Variants in DTWD2 observed in about 807,000 individuals in gnomAD.
The protein encoded by DTWD2 is DTW motif tRNA-uridine aminocarboxypropyltransferase 2, also known as tRNA-uridine aminocarboxypropyltransferase 2.
A neutral mutation model predicts 31.8 loss-of-function variants in DTWD2; 39 were observed. The ratio of observed to expected loss-of-function variants is 1.22; its 90% CI spans 0.95 to 1.60. The LOEUF (loss-of-function observed/expected upper bound fraction) is 1.60. DTWD2 is among the 40% of genes most tolerant of loss of function. DTWD2 has a pLI of 0.00. For missense variants in DTWD2, 515 were observed against 381.5 expected, an observed-to-expected ratio of 1.35 and a Z score of -2.92; for synonymous variants, 180 against 142.8, an observed-to-expected ratio of 1.26 and a Z score of -1.86.
chr5:118,875,181 C>T (rs1412058491), intron 4 of DTWD2, among the ~76,000 whole-genome samples: 1 of 152,040 alleles, frequency 6.6e-6, no homozygotes, highest in Non-Finnish European at 1.5e-5. Flanking sequence ...TTGCCAACTG[C>T]CTTATGAGAG....
intron 4 of DTWD2, among the ~76,000 whole-genome samples, chr5:118,875,865 C>A (rs573942904): frequency 4.0e-5 from 6 of 151,560 alleles, no homozygotes; most frequent in Non-Finnish European, 7.4e-5. Context: ...ACGGACCCAA[C>A]GGGTATCCAC....
intron 4 of DTWD2, among the ~76,000 whole-genome samples, chr5:118,854,715 G>A (rs73236937): frequency 0.069 from 10,473 of 152,010 alleles, 1,170 homozygotes; most frequent in African/African-American, 0.23. Context: ...CTTCAAGGTA[G>A]TCAACTCAAG....
rs188993934 is a variant in DTWD2 at position 118,967,828 on chromosome 5, G to C, written c.218+20466C>G. On this transcript the variant is annotated intron_variant, in intron 1 of 5. Transcript: ENST00000510708. ...CCATAGCCATAATTGTTGCAGACAAGATGGATACTAAAATCAGTGGGCAAA... is the reference window on the plus strand; with the variant it reads ...CCATAGCCATAATTGTTGCAGACAACATGGATACTAAAATCAGTGGGCAAA... 3.5e-3 allele frequency among the ~76,000 whole-genome samples: 536 copies of C among 152,240 alleles called. 7 individuals carry two copies. Among genetic ancestry groups the C allele is most frequent in the African/African-American group, 0.012 (517 of 41,526 alleles).
intron 4 of DTWD2, among the ~76,000 whole-genome samples, chr5:118,916,990 T>C (rs1353385941): frequency 1.3e-5 from 2 of 152,198 alleles, no homozygotes; most frequent in Non-Finnish European, 2.9e-5. Context: ...TGAAAATCTA[T>C]GGAAATTGAG....
intron 1 of DTWD2, among the ~76,000 whole-genome samples, chr5:118,971,492 T>C (rs894013257): frequency 3.3e-5 from 5 of 151,530 alleles, no homozygotes; most frequent in Non-Finnish European, 7.4e-5. Context: ...AGCAAGTTCT[T>C]AGAGATCTAC....
chr5:118,896,441 G>A (rs897336064), intron 4 of DTWD2, among the ~76,000 whole-genome samples: 7 of 146,918 alleles, frequency 4.8e-5, no homozygotes, highest in Non-Finnish European at 1.0e-4. Flanking sequence ...AAAACAACTA[G>A]AACATATACT....
chr5:118,968,720 G>T (rs1406892412), intron 1 of DTWD2, among the ~76,000 whole-genome samples: 2 of 152,204 alleles, frequency 1.3e-5, no homozygotes, highest in Non-Finnish European at 2.9e-5. Flanking sequence ...TATGCACAGA[G>T]ACCCAGGAAT....
intron 4 of DTWD2, among the ~76,000 whole-genome samples, chr5:118,880,906 T>C (rs1471909140): frequency 6.6e-6 from 1 of 152,158 alleles, no homozygotes; most frequent in Non-Finnish European, 1.5e-5. Context: ...ATACAGCTTT[T>C]TGGAACTCGC....
chr5:118,914,232 C>T (rs1312915005), intron 4 of DTWD2, among the ~76,000 whole-genome samples: 1 of 152,136 alleles, frequency 6.6e-6, no homozygotes, highest in Admixed American at 6.5e-5. Context: ...GAAGCTCCAC[C>T]TCATGAATAG....
In DTWD2 at chr5:118,969,136, C is replaced by T. The variant is rs1160641726; in HGVS notation, c.218+19158G>A. On this transcript the variant is annotated intron_variant, in intron 1 of 5. Coordinates refer to ENST00000510708, the MANE Select transcript of DTWD2 (RefSeq NM_173666.4). The stretch of plus-strand genomic sequence containing the variant: ...CTGCAGGAATTTCAGCTACACTAGC[C>T]TGAGTTATATGAACAGATCTCTGAT... Among the ~76,000 whole-genome samples the T allele has an allele frequency of 2.6e-5, 4 of 151,930 alleles. No individual in the cohort carries two copies. The South Asian group carries it at 8.3e-4, about 32-fold the overall frequency.
At chr5:118,887,159 T>C (rs1351551801) in intron 4 of DTWD2, among the ~76,000 whole-genome samples, 1 of 152,206 alleles carries the variant, frequency 6.6e-6, no homozygotes, top group African/African-American at 2.4e-5. Context: ...CAGTTTCAAA[T>C]CCTGGATCTG....
intron 4 of DTWD2, among the ~76,000 whole-genome samples, chr5:118,865,721 CAA>C (rs987760415): frequency 1.2e-4 from 18 of 152,224 alleles, no homozygotes; most frequent in African/African-American, 4.1e-4. Context: ...CTGATGAGAG[CAA>C]AAGTGTCCTC....
intron 1 of DTWD2, among the ~76,000 whole-genome samples, chr5:118,967,373 G>A (rs1032315224): frequency 6.6e-6 from 1 of 152,180 alleles, no homozygotes; most frequent in African/African-American, 2.4e-5. Context: ...AAACATCTCA[G>A]TAGCAATAAG....
At chr5:118,979,992 G>A (rs1755263922) in intron 1 of DTWD2, among the ~76,000 whole-genome samples, 1 of 152,158 alleles carries the variant, frequency 6.6e-6, no homozygotes, top group South Asian at 2.1e-4. Context: ...CATGTACCCT[G>A]GAACTTAAAA....
At chr5:118,873,790 A>G (rs990036513) in intron 4 of DTWD2, among the ~76,000 whole-genome samples, 1 of 152,202 alleles carries the variant, frequency 6.6e-6, no homozygotes, top group Non-Finnish European at 1.5e-5. Context: ...GAAGGCACCT[A>G]GACCTGTACC....
intron 3 of DTWD2, among the ~76,000 whole-genome samples, chr5:118,934,436 T>C (rs1561461422): frequency 6.6e-6 from 1 of 150,722 alleles, no homozygotes; most frequent in Non-Finnish European, 1.5e-5. Flanking sequence ...ACACAAAAAA[T>C]AGAAGGAGAT....
chr5:118,935,507 T>G (rs1754021692), intron 3 of DTWD2, among the ~76,000 whole-genome samples: 1 of 151,158 alleles, frequency 6.6e-6, no homozygotes, highest in Admixed American at 6.6e-5. Flanking sequence ...CAAAATTGAC[T>G]GCTTGCTTGC....
At chr5:118,970,363 A>T (rs972217118) in intron 1 of DTWD2, among the ~76,000 whole-genome samples, 1 of 152,156 alleles carries the variant, frequency 6.6e-6, no homozygotes, top group African/African-American at 2.4e-5. Flanking sequence ...GGAGGTGGAG[A>T]TTGCAGTGAA....
At position 118,974,388 on chromosome 5, in the gene DTWD2, T is replaced by A. The variant is rs1030609039; in HGVS notation, c.218+13906A>T. 2.4e-4 allele frequency among the ~76,000 whole-genome samples: 37 copies of A among 152,324 alleles called. 1 individual carries two copies. The highest frequency in any genetic ancestry group is 8.9e-4 in the African/African-American group (37 of 41,574). On this transcript the variant is annotated intron_variant, in intron 1 of 5. Coordinates refer to ENST00000510708, the MANE Select transcript of DTWD2 (RefSeq NM_173666.4). ...AAGTACTTTAAAAAGGAAATTTGTT[T>A]GTATTTTTTATTTACATTTTATATT...
Sources: gnomAD v4.1 joint callset for allele counts (sites outside exome capture counted in the v4.1 genomes callset) on GRCh38, gnomAD v4.1.1 for gene constraint, MANE v1.5 for transcripts, NCBI Gene and HGNC (gene_info 2026-07-23, HGNC 2026-07-21) for gene names.